The following SCHIP1 variants were observed in gnomAD, a reference collection of about 807,000 sequenced individuals.
SCHIP1 encodes schwannomin interacting protein 1.
Under a neutral mutation model 29.7 loss-of-function variants are expected in SCHIP1, and 8 were observed. The observed-to-expected ratio is 0.27, with a 90% confidence interval of 0.16 to 0.49. The LOEUF (loss-of-function observed/expected upper bound fraction) is 0.49, where lower values mean the gene tolerates loss of function less well. Among genes scored for constraint, SCHIP1 ranks in the 20% least tolerant of loss-of-function variants. SCHIP1 has a pLI of 0.99. For synonymous variants in SCHIP1, 76 were observed against 94.9 expected, an observed-to-expected ratio of 0.80 and a Z score of 1.16; for missense variants, 193 against 294.6, an observed-to-expected ratio of 0.66 and a Z score of 2.52.
chr3:159,534,048 T>C, the SCHIP1 span, among the ~76,000 whole-genome samples: 1 of 152,212 alleles, frequency 6.6e-6, no homozygotes, highest in Non-Finnish European at 1.5e-5. Flanking sequence ...TCACAGTCAA[T>C]TGCAAGTTCC....
At chr3:159,840,053 C>G in exon 1 of SCHIP1, 7 of 1,486,740 alleles carry the variant, frequency 4.7e-6, no homozygotes, top group Non-Finnish European at 6.2e-6. Flanking sequence ...GAAACAGCAT[C>G]CATTTTAATC....
At chr3:159,472,974 G>A in the SCHIP1 span, among the ~76,000 whole-genome samples, 2 of 152,118 alleles carry the variant, frequency 1.3e-5, no homozygotes, top group Non-Finnish European at 2.9e-5. Flanking sequence ...AGGTAGCAAG[G>A]ACCCTGATTT....
chr3:159,304,044 G>A, the SCHIP1 span, among the ~76,000 whole-genome samples: 1 of 129,334 alleles, frequency 7.7e-6, no homozygotes, highest in Non-Finnish European at 1.6e-5. Flanking sequence ...CCCAGAGTGC[G>A]ATGTTCCCCT....
the SCHIP1 span, among the ~76,000 whole-genome samples, chr3:159,460,123 C>G: frequency 6.6e-6 from 1 of 152,240 alleles, no homozygotes. Context: ...AGCTGTTCCA[C>G]ACTTTACGAT....
At chr3:159,343,152 T>C in the SCHIP1 span, among the ~76,000 whole-genome samples, 1 of 152,178 alleles carries the variant, frequency 6.6e-6, no homozygotes, top group Admixed American at 6.5e-5. Flanking sequence ...AGGCTGAGTT[T>C]AGAGGGGTCA....
chr3:159,383,948 A>G, the SCHIP1 span, among the ~76,000 whole-genome samples: 1 of 151,042 alleles, frequency 6.6e-6, no homozygotes, highest in South Asian at 2.1e-4. Flanking sequence ...TGATTTTTGC[A>G]CATTGATTTT....
At chr3:159,645,588 G>T in the SCHIP1 span, among the ~76,000 whole-genome samples, 1 of 152,056 alleles carries the variant, frequency 6.6e-6, no homozygotes, top group Non-Finnish European at 1.5e-5. Flanking sequence ...TGCGTGTATT[G>T]GTATCTCCTC....
the SCHIP1 span, among the ~76,000 whole-genome samples, chr3:159,706,840 G>A: frequency 6.6e-6 from 1 of 152,146 alleles, no homozygotes; most frequent in Non-Finnish European, 1.5e-5. Flanking sequence ...TGAGTGGGAT[G>A]GGGTGACTTC....
chr3:159,614,052 A>G, the SCHIP1 span, among the ~76,000 whole-genome samples: 2 of 152,162 alleles, frequency 1.3e-5, no homozygotes, highest in Non-Finnish European at 2.9e-5. Flanking sequence ...TATTATCTCC[A>G]CTTTACAGAT....
chr3:159,677,235 C>G, the SCHIP1 span, among the ~76,000 whole-genome samples: 5 of 152,224 alleles, frequency 3.3e-5, no homozygotes, highest in African/African-American at 1.2e-4. Flanking sequence ...CTGACCTATA[C>G]AGCCTTCTAC....
At chr3:159,430,279 A>C in the SCHIP1 span, among the ~76,000 whole-genome samples, 1 of 152,204 alleles carries the variant, frequency 6.6e-6, no homozygotes, top group Non-Finnish European at 1.5e-5. Context: ...TTATTTTCTA[A>C]TGGAAAAAAA....
chr3:159,798,410 T>TTAAC, the SCHIP1 span, among the ~76,000 whole-genome samples: 1 of 152,196 alleles, frequency 6.6e-6, no homozygotes, highest in Non-Finnish European at 1.5e-5. Flanking sequence ...TTACTGTTAG[T>TTAAC]TATTTTTCCT....
At chr3:159,309,804 G>A in the SCHIP1 span, among the ~76,000 whole-genome samples, 3 of 152,078 alleles carry the variant, frequency 2.0e-5, no homozygotes, top group African/African-American at 7.2e-5. Flanking sequence ...AGCACTTTGC[G>A]GGGTCCACCA....
At chr3:159,339,416 T>C in the SCHIP1 span, among the ~76,000 whole-genome samples, 1 of 152,156 alleles carries the variant, frequency 6.6e-6, no homozygotes, top group Non-Finnish European at 1.5e-5. Context: ...GAAAGAAATA[T>C]TGTCCAAGGT....
intron 3 of SCHIP1, chr3:159,887,381 G>A (rs143288217): frequency 3.6e-5 from 10 of 274,876 alleles, no homozygotes; most frequent in East Asian, 8.2e-5. Flanking sequence ...AAGAACCTAC[G>A]TAGGGCCTTG....
At chr3:159,618,052 A>G in the SCHIP1 span, among the ~76,000 whole-genome samples, 1 of 152,230 alleles carries the variant, frequency 6.6e-6, no homozygotes, top group Admixed American at 6.5e-5. Flanking sequence ...TTGTGAACTC[A>G]GAATGTTCAC....
chr3:159,375,741 T>A, the SCHIP1 span: 1 of 845,386 alleles, frequency 1.2e-6, no homozygotes, highest in Non-Finnish European at 1.4e-6. Flanking sequence ...AATAAATAAA[T>A]AAATAAATAA....
At chr3:159,301,232 C>T in the SCHIP1 span, among the ~76,000 whole-genome samples, 7 of 152,238 alleles carry the variant, frequency 4.6e-5, no homozygotes, top group Non-Finnish European at 7.4e-5. Context: ...AACAGAAGGG[C>T]TAAGTGGCTT....
At chr3:159,894,174 G>A (rs570586892) in intron 6 of SCHIP1, 6 of 152,278 alleles carry the variant, frequency 3.9e-5, no homozygotes, top group Admixed American at 2.0e-4. Context: ...GGGCTAGCGT[G>A]GGCATGAGAA....
Sources: gnomAD v4.1 joint callset for allele counts (sites outside exome capture counted in the v4.1 genomes callset) on GRCh38, gnomAD v4.1.1 for gene constraint, MANE v1.5 for transcripts, NCBI Gene and HGNC (gene_info 2026-07-23, HGNC 2026-07-21) for gene names.